Variants in ASNS observed in about 807,000 individuals in gnomAD.
ASNS encodes the protein asparagine synthetase [glutamine-hydrolyzing].
Under a neutral mutation model 62.6 loss-of-function variants are expected in ASNS, and 37 were observed. The ratio of observed to expected loss-of-function variants is 0.59; its 90% confidence interval spans 0.45 to 0.78. The LOEUF is 0.78. Among genes scored for constraint, ASNS ranks in the 30% least tolerant of loss-of-function variants. ASNS has a pLI of 0.00. For synonymous variants in ASNS, 207 were observed against 237.9 expected (o/e 0.87, Z 1.19); for missense variants, 520 against 682.4 (o/e 0.76, Z 2.65).
At chr7:97,914,178 GGA>G in the ASNS span, among the ~76,000 whole-genome samples, 2 of 151,470 alleles carry the variant, frequency 1.3e-5, no homozygotes. Context: ...ATGGATGGAT[GGA>G]TGGATGGATG....
At chr7:97,866,144 T>C (rs1446447248) in intron 3 of ASNS, among the ~76,000 whole-genome samples, 3 of 152,170 alleles carry the variant, frequency 2.0e-5, no homozygotes, top group Non-Finnish European at 4.4e-5. Context: ...ACTATAAACT[T>C]TTGATTTGAG....
At chr7:97,856,664 T>A in intron 8 of ASNS, 26 bp downstream of exon 8, 1 of 1,520,684 alleles carries the variant, frequency 6.6e-7, no homozygotes, top group Middle Eastern at 2.1e-4. Flanking sequence ...AAAAGCTTTT[T>A]ATTTAAGAAT....
chr7:97,856,860 A>T (rs1484016456), intron 7 of ASNS, 44 bp from the exon 8 acceptor site: 9 of 1,526,406 alleles, frequency 5.9e-6, no homozygotes, highest in Non-Finnish European at 8.0e-6. Context: ...AAAGAAAATA[A>T]CTTCCCTTGA....
chr7:97,884,338 C>G, the ASNS span, among the ~76,000 whole-genome samples: 1 of 152,218 alleles, frequency 6.6e-6, no homozygotes, highest in South Asian at 2.1e-4. Flanking sequence ...CACCTGAGAT[C>G]ACGAGTTCGA....
At chr7:97,881,642 C>T in the ASNS span, among the ~76,000 whole-genome samples, 2 of 152,254 alleles carry the variant, frequency 1.3e-5, no homozygotes, top group South Asian at 2.1e-4. Context: ...TGTGGATGGA[C>T]CTTGGCAACA....
chr7:97,877,024 A>G (rs1792453865), upstream of ASNS, among the ~76,000 whole-genome samples: 1 of 152,150 alleles, frequency 6.6e-6, no homozygotes, highest in Non-Finnish European at 1.5e-5. Context: ...TTTCAGGGCT[A>G]AGATAAAGAT....
the ASNS span, among the ~76,000 whole-genome samples, chr7:97,921,419 TG>T: frequency 1.3e-5 from 2 of 152,154 alleles, no homozygotes; most frequent in Non-Finnish European, 2.9e-5. Flanking sequence ...TGCACTGAAA[TG>T]GGTGTGGCTG....
chr7:97,857,992 G>GTA (rs1474251990), intron 7 of ASNS, among the ~76,000 whole-genome samples: 2 of 152,112 alleles, frequency 1.3e-5, no homozygotes, highest in Non-Finnish European at 2.9e-5. Flanking sequence ...GGGATTACAG[G>GTA]TGTAGGCCAC....
Position 97,852,527 on chromosome 7 carries a change from T to G in ASNS, c.1477-59A>C, listed in dbSNP as rs189815686. The G allele has an allele frequency of 1.6e-5, 24 of 1,503,214 alleles. No individual in the cohort carries two copies. The African/African-American group carries it at 3.2e-4, about 20-fold the overall frequency. 93.1% of individuals were successfully genotyped at this position (1,503,214 alleles called of 1,614,324 possible). On this transcript the variant is annotated intron_variant, in intron 12 of 12. Coordinates refer to ENST00000394308, the MANE Select transcript of ASNS (RefSeq NM_001673.5). ...TAAAATGGCAGGAAATACTTGTGTT[T>G]AGTCTCATTTCACGAAACAGAAAAT... is the stretch of plus-strand genomic sequence containing the variant.
intron 4 of ASNS, chr7:97,863,771 C>G (rs1297324398): frequency 6.6e-6 from 1 of 152,472 alleles, no homozygotes; most frequent in Non-Finnish European, 1.5e-5. Flanking sequence ...GGTGGAAAAA[C>G]AATCCTAAAA....
intron 3 of ASNS, among the ~76,000 whole-genome samples, chr7:97,867,407 G>A (rs1379516591): frequency 6.6e-6 from 1 of 152,178 alleles, no homozygotes; most frequent in Non-Finnish European, 1.5e-5. Flanking sequence ...TAGATGCTTG[G>A]TAGAAGCAAT....
At chr7:97,869,271 T>C in intron 2 of ASNS, 92 bp from the exon 3 acceptor site, 1 of 1,394,472 alleles carries the variant, frequency 7.2e-7, no homozygotes, top group African/African-American at 1.5e-5. Context: ...ATAAACCACT[T>C]CAAAGACTAA....
upstream of ASNS, among the ~76,000 whole-genome samples, chr7:97,875,439 A>G: frequency 6.6e-6 from 1 of 152,200 alleles, no homozygotes; most frequent in East Asian, 1.9e-4. Context: ...ATGCCTGGCC[A>G]CAGTGAGGCT....
the ASNS span, among the ~76,000 whole-genome samples, chr7:97,892,902 C>A: frequency 6.6e-6 from 1 of 152,230 alleles, no homozygotes; most frequent in Non-Finnish European, 1.5e-5. Flanking sequence ...CTGCCTGTTT[C>A]CCAGTTCCAA....
intron 7 of ASNS, 57 bp downstream of exon 7, chr7:97,858,221 T>C: frequency 6.3e-7 from 1 of 1,584,482 alleles, no homozygotes; most frequent in Non-Finnish European, 8.6e-7. Context: ...TCCATTTTCA[T>C]TCTAATAACA....
At chr7:97,860,108 C>T (rs1472720543) in intron 4 of ASNS, among the ~76,000 whole-genome samples, 1 of 152,236 alleles carries the variant, frequency 6.6e-6, no homozygotes, top group African/African-American at 2.4e-5. Flanking sequence ...CAGCCAGTAA[C>T]CTGTGTAGCA....
intron 3 of ASNS, among the ~76,000 whole-genome samples, chr7:97,865,111 C>T (rs1791903255): frequency 6.6e-6 from 1 of 152,172 alleles, no homozygotes; most frequent in Admixed American, 6.5e-5. Flanking sequence ...TGTTTGACAT[C>T]ATTGACCATC....
chr7:97,891,137 A>G, the ASNS span, among the ~76,000 whole-genome samples: 2 of 152,180 alleles, frequency 1.3e-5, no homozygotes, highest in Non-Finnish European at 2.9e-5. Context: ...AAGCCTAAGA[A>G]TCACGTTGGA....
At chr7:97,899,312 A>C in the ASNS span, among the ~76,000 whole-genome samples, 1 of 152,026 alleles carries the variant, frequency 6.6e-6, no homozygotes, top group Non-Finnish European at 1.5e-5. Flanking sequence ...TTGTACACAC[A>C]GGGTCTTGCC....
Sources: gnomAD v4.1 joint callset for allele counts (sites outside exome capture counted in the v4.1 genomes callset) on GRCh38, gnomAD v4.1.1 for gene constraint, MANE v1.5 for transcripts, NCBI Gene and HGNC (gene_info 2026-07-23, HGNC 2026-07-21) for gene names.